The following TRDN variants were observed in gnomAD, a reference collection of about 807,000 sequenced individuals.
TRDN encodes triadin in skeletal muscle.
In TRDN, 161 loss-of-function variants were observed where a neutral mutation model predicts 149.7. The observed-to-expected ratio is 1.08, with a 90% CI of 0.95 to 1.23. The LOEUF is 1.23. Ranked by LOEUF, TRDN falls within the 50% of genes most tolerant of loss-of-function variation. The probability of loss-of-function intolerance (pLI) is 0.00; values close to 1 mark genes in which losing one functional copy is unlikely to be tolerated. For missense variants in TRDN, 896 were observed against 823.5 expected, an observed-to-expected ratio of 1.09 and a Z score of -1.08; for synonymous variants, 294 against 250.5, an observed-to-expected ratio of 1.17 and a Z score of -1.64.
chr6:123,619,757 CAGG>C (rs1310151748), intron 1 of TRDN, among the ~76,000 whole-genome samples: 2 of 151,772 alleles, frequency 1.3e-5, no homozygotes, highest in Non-Finnish European at 2.9e-5. Flanking sequence ...TAAATTAGAA[CAGG>C]AGTTCTAATT....
chr6:123,366,215 G>A, intron 19 of TRDN, 33 bp from the exon 20 acceptor site: 1 of 1,591,528 alleles, frequency 6.3e-7, no homozygotes, highest in Non-Finnish European at 8.6e-7. Context: ...AATGAGAAGT[G>A]GATATTAGTG....
intron 9 of TRDN, among the ~76,000 whole-genome samples, chr6:123,481,299 T>A (rs1050737924): frequency 1.3e-5 from 2 of 152,112 alleles, no homozygotes; most frequent in Admixed American, 6.6e-5. Context: ...GCCAATTATC[T>A]GCTTTGTCAA....
chr6:123,433,162 A>ATAATATATAT (rs796874348), intron 12 of TRDN, among the ~76,000 whole-genome samples: 7 of 80,038 alleles, frequency 8.7e-5, no homozygotes, highest in Non-Finnish European at 1.5e-4. Context: ...ATATATATAT[A>ATAATATATAT]ATATATATAT....
At chr6:123,388,474 G>C in intron 14 of TRDN, 48 bp downstream of exon 14, 1 of 1,566,812 alleles carries the variant, frequency 6.4e-7, no homozygotes, top group South Asian at 1.2e-5. Flanking sequence ...CAGGATATTG[G>C]TAAATTGTAC....
intron 12 of TRDN, among the ~76,000 whole-genome samples, chr6:123,403,309 G>A (rs1052805748): frequency 2.0e-5 from 3 of 152,132 alleles, no homozygotes; most frequent in African/African-American, 7.2e-5. Flanking sequence ...ATGGAAAAGA[G>A]CATAGAAGGA....
chr6:123,274,258 A>T (rs1055033739), intron 27 of TRDN, among the ~76,000 whole-genome samples: 1 of 152,134 alleles, frequency 6.6e-6, no homozygotes, highest in African/African-American at 2.4e-5. Flanking sequence ...AATAGTCTAT[A>T]ACTTTATGAT....
intron 22 of TRDN, among the ~76,000 whole-genome samples, chr6:123,336,073 TTAGAC>T (rs1779854854): frequency 6.6e-6 from 1 of 152,018 alleles, no homozygotes; most frequent in Non-Finnish European, 1.5e-5. Context: ...GCAAAAGAAC[TTAGAC>T]TATTTTTCAT....
At chr6:123,409,210 G>C (rs932346206) in intron 12 of TRDN, among the ~76,000 whole-genome samples, 1 of 152,060 alleles carries the variant, frequency 6.6e-6, no homozygotes, top group South Asian at 2.1e-4. Context: ...TAACAGATGT[G>C]TCTTGAAAAC....
intron 1 of TRDN, among the ~76,000 whole-genome samples, chr6:123,587,289 T>C (rs1783545102): frequency 6.6e-6 from 1 of 152,156 alleles, no homozygotes. Context: ...CCCTAGTCCA[T>C]GACTGGCGCC....
chr6:123,266,038 G>C (rs189712823), intron 32 of TRDN, among the ~76,000 whole-genome samples: 96 of 138,736 alleles, frequency 6.9e-4, no homozygotes, highest in African/African-American at 2.5e-3. Flanking sequence ...AGCTAACAGA[G>C]GGAATACAAA....
At chr6:123,561,038 C>T (rs781369623) in intron 2 of TRDN, among the ~76,000 whole-genome samples, 13 of 152,228 alleles carry the variant, frequency 8.5e-5, no homozygotes, top group Non-Finnish European at 1.2e-4. Context: ...TCACATGCCC[C>T]GAGTCAGAAA....
At chr6:123,366,763 C>A (rs976222190) in intron 19 of TRDN, among the ~76,000 whole-genome samples, 97 of 152,302 alleles carry the variant, frequency 6.4e-4, no homozygotes, top group Middle Eastern at 3.4e-3. Flanking sequence ...GGTGATCCGC[C>A]CGCCTCAGCC....
intron 21 of TRDN, among the ~76,000 whole-genome samples, chr6:123,348,807 G>GTTGC (rs1780349388): frequency 6.6e-6 from 1 of 151,992 alleles, no homozygotes; most frequent in African/African-American, 2.4e-5. Context: ...ACATTATAAT[G>GTTGC]AACTTCTGAT....
chr6:123,558,548 C>G (rs759968742), intron 2 of TRDN, among the ~76,000 whole-genome samples: 1 of 152,124 alleles, frequency 6.6e-6, no homozygotes, highest in Non-Finnish European at 1.5e-5. Flanking sequence ...ATGAAAAACC[C>G]AGCCCAGTTC....
At chr6:123,270,947 C>CA (rs1452069968) in intron 30 of TRDN, among the ~76,000 whole-genome samples, 192 bp downstream of exon 30, 1 of 151,604 alleles carries the variant, frequency 6.6e-6, no homozygotes, top group Non-Finnish European at 1.5e-5. Context: ...TATTTTTTAA[C>CA]AAAAATTATA....
chr6:123,517,571 C>A (rs898019996), intron 5 of TRDN, among the ~76,000 whole-genome samples: 1 of 151,940 alleles, frequency 6.6e-6, no homozygotes, highest in Non-Finnish European at 1.5e-5. Flanking sequence ...TTCTTACCAA[C>A]CCCATGTTTA....
At chr6:123,519,455 A>C (rs1437849104) in intron 5 of TRDN, among the ~76,000 whole-genome samples, 2 of 144,680 alleles carry the variant, frequency 1.4e-5, no homozygotes, top group African/African-American at 5.0e-5. Flanking sequence ...CAGAGCTCAT[A>C]ATCTGCCTGA....
chr6:123,402,515 G>C (rs1773021130), intron 12 of TRDN, among the ~76,000 whole-genome samples: 1 of 152,170 alleles, frequency 6.6e-6, no homozygotes, highest in South Asian at 2.1e-4. Context: ...TAAACCAAAT[G>C]TTAAAGTTTG....
chr6:123,434,413 GCTGAGGCTTGC>G (rs1241716239), intron 12 of TRDN, among the ~76,000 whole-genome samples: 1 of 152,154 alleles, frequency 6.6e-6, no homozygotes, highest in Non-Finnish European at 1.5e-5. Flanking sequence ...TTAGTAATCT[GCTGAGGCTTGC>G]CTCAACATTT....
Sources: gnomAD v4.1 joint callset for allele counts (sites outside exome capture counted in the v4.1 genomes callset) on GRCh38, gnomAD v4.1.1 for gene constraint, MANE v1.5 for transcripts, NCBI Gene and HGNC (gene_info 2026-07-23, HGNC 2026-07-21) for gene names.